Variants in STING1 observed in about 807,000 individuals in gnomAD.
The protein encoded by STING1 is stimulator of interferon response cGAMP interactor 1.
In STING1, 19 loss-of-function variants were observed where a neutral mutation model predicts 31.6. The observed-to-expected ratio is 0.60, with a 90% CI of 0.42 to 0.88. STING1 has a LOEUF of 0.88. Ranked by LOEUF, STING1 falls within the 40% of genes least tolerant of loss-of-function variation. The probability of loss-of-function intolerance (pLI) is 0.00; values close to 1 mark genes in which losing one functional copy is unlikely to be tolerated. For synonymous variants in STING1, 200 were observed against 208.6 expected (o/e 0.96, Z 0.35); for missense variants, 371 against 483.7 (o/e 0.77, Z 2.19).
Position 139,481,259 on chromosome 5 carries a change from T to C in STING1, c.311A>G (p.Tyr104Cys), listed in dbSNP as rs760969680. The change falls in exon 4 of 8, where the codon TAT becomes TGT. Residue 104 changes from tyrosine to cysteine, a missense_variant. By Grantham distance (194) the Tyr-to-Cys change is radical. Coordinates refer to ENST00000330794, the MANE Select transcript of STING1 (RefSeq NM_198282.4). This position sits in a 1 kb window ranked among gnomAD's most constrained non-coding sequence, Gnocchi z 4.1. The stretch of plus-strand genomic sequence containing the variant: ...CGCATTTGGGAGGGAGTAGTAGAAA[T>C]AGATGGACAGCAGCAACAGGGCCCC... ...RRGALLLLSI[Y>C]FYYSLPNAVG... 2.5e-6 allele frequency: 4 copies of C among 1,613,964 alleles called. No homozygotes were observed. Among genetic ancestry groups the C allele is most frequent in the South Asian group, 2.2e-5 (2 of 91,072 alleles).
chr5:139,479,576 C>T (rs1209000521), intron 5 of STING1, among the ~76,000 whole-genome samples: 1 of 150,988 alleles, frequency 6.6e-6, no homozygotes, highest in Non-Finnish European at 1.5e-5. Flanking sequence ...GTGGCAGGCA[C>T]CTAAAATCCC....
Position 139,482,213 on chromosome 5 carries a change from C to T in STING1, c.-4G>A, listed in dbSNP as rs1339980646. Reference sequence around the variant, plus strand: ...GCCAGGCTGATCTTGAGCCTACCTTCTGCCTCCCGGACACTGGCTGCTCTG... The same window carrying T: ...GCCAGGCTGATCTTGAGCCTACCTTTTGCCTCCCGGACACTGGCTGCTCTG... On this transcript the variant is annotated 5_prime_UTR_variant, in exon 2 of 8. Coordinates refer to ENST00000330794, the MANE Select transcript of STING1 (RefSeq NM_198282.4). 6.5e-6 allele frequency: 1 copy of T among 152,798 alleles called. No individual in the cohort carries two copies. Among genetic ancestry groups the T allele is most frequent in the Non-Finnish European group, 1.5e-5 (1 of 68,450 alleles). 9.5% of individuals were successfully genotyped at this position (152,798 alleles called of 1,614,324 possible).
At position 139,481,023 on chromosome 5, in the gene STING1, G is replaced by T; in HGVS notation, c.412-125C>A. On this transcript the variant is annotated intron_variant, in intron 4 of 7. Transcript: ENST00000330794. This position sits in a 1 kb window ranked among gnomAD's most constrained non-coding sequence, Gnocchi z 4.1. Reference sequence around the variant, plus strand: ...CTCTTTTGCCATTGCCAAACCCACTGTTCCAGGACATTATAGGTTCTACTC... The same window carrying T: ...CTCTTTTGCCATTGCCAAACCCACTTTTCCAGGACATTATAGGTTCTACTC... The T allele has an allele frequency of 2.5e-6, 3 of 1,199,632 alleles. No individual in the cohort carries two copies. The highest frequency in any genetic ancestry group is 3.7e-6 in the Non-Finnish European group (3 of 820,430). The allele number at this position is 1,199,632 out of a possible 1,614,324, so 74.3% of individuals were successfully genotyped here.
chr5:139,480,824 T>C lies in STING1; in HGVS notation c.486A>G (p.Ser162=). Residue 162 remains serine, a synonymous_variant, in exon 5 of 8, where the codon TCA becomes TCG. Coordinates refer to ENST00000330794, the MANE Select transcript of STING1 (RefSeq NM_198282.4). ...TCAGCCGCAGATATCCGATGTAATA[T>C]GACCATGCCAGCCCATGGGCCACGT... ...NFNVAHGLAW[S]YYIGYLRLIL... 1 of 1,614,118 alleles carries C rather than the reference T, an allele frequency of 6.2e-7. No homozygotes were observed. The highest frequency in any genetic ancestry group is 8.5e-7 in the Non-Finnish European group (1 of 1,179,942).
chr5:139,481,452 C>G lies in STING1; in HGVS notation c.227+26G>C. The G allele has an allele frequency of 6.2e-7, 1 of 1,606,036 alleles. No homozygotes were observed. Among genetic ancestry groups the G allele is most frequent in the East Asian group, 2.2e-5 (1 of 44,652 alleles). On this transcript the variant is annotated intron_variant, in intron 3 of 7. Transcript: ENST00000330794. The surrounding 1 kb of genome is among the most constrained non-coding windows in gnomAD (Gnocchi z 4.1). Reference sequence around the variant, plus strand: ...AGGGAGTGACACACGTTGGATACCCCGTCCCTGGGTACTGCAGTGAGTCAC... The same window carrying G: ...AGGGAGTGACACACGTTGGATACCCGGTCCCTGGGTACTGCAGTGAGTCAC...
Position 139,477,507 on chromosome 5 carries a change from G to A in STING1, c.768C>T (p.Thr256=). The part of the protein sequence containing the change: ...ELLENGQRAG[T]CVLEYATPLQ... ...AGGGGGTGGCGTACTCCAGGACACA[G>A]GTGCCCGCCTAGAGGAGGTAAGAGG... Residue 256 remains threonine, a synonymous_variant, in exon 7 of 8, where the codon ACC becomes ACT. Coordinates refer to ENST00000330794, the MANE Select transcript of STING1 (RefSeq NM_198282.4). 6.2e-7 allele frequency: 1 copy of A among 1,613,858 alleles called. No individual in the cohort carries two copies. Among genetic ancestry groups the A allele is most frequent in the Non-Finnish European group, 8.5e-7 (1 of 1,179,874 alleles).
At chr5:139,480,228 A>G (rs1265913440) in intron 5 of STING1, among the ~76,000 whole-genome samples, 2 of 152,196 alleles carry the variant, frequency 1.3e-5, no homozygotes, top group Admixed American at 6.5e-5. Context: ...GAAAAGGCAC[A>G]TGAGAGCACA....
chr5:139,476,723 G>A (rs1206748692), intron 7 of STING1, among the ~76,000 whole-genome samples: 6 of 152,126 alleles, frequency 3.9e-5, no homozygotes, highest in Admixed American at 3.9e-4. Context: ...TGGCCAATAT[G>A]ATGAAACCCC....
At chr5:139,477,638 G>A (rs1581449510) in intron 6 of STING1, 123 bp from the exon 7 acceptor site, 4 of 1,017,000 alleles carry the variant, frequency 3.9e-6, no homozygotes, top group South Asian at 3.2e-5. Flanking sequence ...AGCCTGTAAC[G>A]ATAGAGTCCT....
rs953897576 is a variant in STING1, at chr5:139,481,432, G to A, written c.227+46C>T. ...AGGGGCAGGGCTAGGCATCAAGGGA[G>A]TGACACACGTTGGATACCCCGTCCC... On this transcript the variant is annotated intron_variant, in intron 3 of 7. Coordinates refer to ENST00000330794, the MANE Select transcript of STING1 (RefSeq NM_198282.4). The surrounding 1 kb of genome is among the most constrained non-coding windows in gnomAD (Gnocchi z 4.1). 2.5e-6 allele frequency: 4 copies of A among 1,600,300 alleles called. No individual in the cohort carries two copies. Among genetic ancestry groups the A allele is most frequent in the South Asian group, 1.1e-5 (1 of 89,624 alleles).
rs200511430 is a variant in STING1, at chr5:139,480,776, A to T, written c.520+14T>A. 43 of 1,563,550 alleles carry T rather than the reference A, an allele frequency of 2.8e-5. No individual in the cohort carries two copies. In the East Asian group the frequency reaches 8.5e-4, roughly 31 times the overall value. ...TTTGTAGATCGAGAAATGGGGGCAG[A>T]GAGGATGGCCCACCTGGCAGGATCA... On this transcript the variant is annotated intron_variant, in intron 5 of 7. Coordinates refer to ENST00000330794, the MANE Select transcript of STING1 (RefSeq NM_198282.4).
In STING1 at chr5:139,477,388, TC is replaced by T; in HGVS notation, c.886del (p.Glu296ArgfsTer51). The T allele has an allele frequency of 3.7e-6, 6 of 1,614,170 alleles. No homozygotes were observed. Among genetic ancestry groups the T allele is most frequent in the Non-Finnish European group, 5.1e-6 (6 of 1,180,026 alleles). On this transcript the variant is annotated frameshift_variant, in exon 7 of 8. Coordinates refer to ENST00000330794, the MANE Select transcript of STING1 (RefSeq NM_198282.4). LOFTEE classifies it high-confidence loss of function. Reference sequence around the variant, plus strand: ...CTCAGGGGCATCTGCCAGGATGTCCTCAAGTGTCCGGCAGAAGAGTTTGGCC... The same window carrying T: ...CTCAGGGGCATCTGCCAGGATGTCCTAAGTGTCCGGCAGAAGAGTTTGGCC... Reference protein sequence around the residue: ...EQAKLFCRTLEDILADAPESQ... With the variant: ...EQAKLFCRTLXDILADAPESQ...
rs1036047995 is a variant in STING1 at position 139,481,651 on chromosome 5, G to A, written c.54C>T (p.Ala18=). 2 of 1,611,686 alleles carry A rather than the reference G, an allele frequency of 1.2e-6. No individual in the cohort carries two copies. The highest frequency in any genetic ancestry group is 1.7e-6 in the Non-Finnish European group (2 of 1,178,566). Residue 18 remains alanine, a synonymous_variant, in exon 3 of 8, where the codon GCC becomes GCT. Coordinates refer to ENST00000330794, the MANE Select transcript of STING1 (RefSeq NM_198282.4). The surrounding 1 kb of genome is among the most constrained non-coding windows in gnomAD (Gnocchi z 4.1). The stretch of plus-strand genomic sequence containing the variant: ...TCAGCAGAACCAAGGCTGCCTTCTG[G>A]GCCCCGTGACCCCTGGGACACGGGA... ...PSIPCPRGHG[A]QKAALVLLSA...
chr5:139,481,744 C>T lies in STING1; in HGVS notation c.1-40G>A. 3.9e-6 allele frequency: 6 copies of T among 1,519,978 alleles called. No individual in the cohort carries two copies. Among genetic ancestry groups the T allele is most frequent in the Non-Finnish European group, 5.4e-6 (6 of 1,111,878 alleles). The allele number at this position is 1,519,978 out of a possible 1,614,324, so 94.2% of individuals were successfully genotyped here. On this transcript the variant is annotated intron_variant, in intron 2 of 7. Transcript: ENST00000330794. This position sits in a 1 kb window ranked among gnomAD's most constrained non-coding sequence, Gnocchi z 4.1. ...AAATCCATGACCATTCTCCCCTTGCCCTCCTGCCCTTCTGGGACTGAGGCT... is the reference window on the plus strand; with the variant it reads ...AAATCCATGACCATTCTCCCCTTGCTCTCCTGCCCTTCTGGGACTGAGGCT...
At position 139,481,250 on chromosome 5, in the gene STING1, T is replaced by A; in HGVS notation, c.320A>T (p.Tyr107Phe). The part of the protein sequence containing the change: ...ALLLLSIYFY[Y>F]SLPNAVGPPF... ...CGGGCCGACCGCATTTGGGAGGGAG[T>A]AGTAGAAATAGATGGACAGCAGCAA... The change falls in exon 4 of 8, where the codon TAC becomes TTC. Residue 107 changes from tyrosine (Y) to phenylalanine (F), a missense_variant. Physicochemically the swap from Tyr to Phe is conservative, Grantham distance 22. Coordinates refer to ENST00000330794, the MANE Select transcript of STING1 (RefSeq NM_198282.4). This position sits in a 1 kb window ranked among gnomAD's most constrained non-coding sequence, Gnocchi z 4.1. 1.2e-6 allele frequency: 2 copies of A among 1,612,806 alleles called. No homozygotes were observed. The highest frequency in any genetic ancestry group is 1.7e-6 in the Non-Finnish European group (2 of 1,179,772).
intron 5 of STING1, among the ~76,000 whole-genome samples, chr5:139,480,436 C>T (rs926285103): frequency 1.3e-5 from 2 of 152,232 alleles, no homozygotes; most frequent in East Asian, 1.9e-4. Flanking sequence ...ATCCCAGCTA[C>T]TCGGGAACCT....
chr5:139,477,801 C>G lies in STING1; in HGVS notation c.760-286G>C, dbSNP rs555858030. 4.6e-5 allele frequency among the ~76,000 whole-genome samples: 7 copies of G among 152,338 alleles called. No homozygotes were observed. In the South Asian group the frequency reaches 1.4e-3, roughly 32 times the overall value. ...GCAAGACCCGAGGCTGTCAACTGCT[C>G]CAGCTGGGAATCAGGTCTGGGGCTA... On this transcript the variant is annotated intron_variant, in intron 6 of 7. Coordinates refer to ENST00000330794, the MANE Select transcript of STING1 (RefSeq NM_198282.4).
chr5:139,477,687 C>T (rs2152093421), intron 6 of STING1, among the ~76,000 whole-genome samples, 172 bp from the exon 7 acceptor site: 1 of 152,306 alleles, frequency 6.6e-6, no homozygotes, highest in African/African-American at 2.4e-5. Context: ...GCTGTCTGGC[C>T]TGCCTTTGCC....
At chr5:139,480,265 G>A (rs1431906876) in intron 5 of STING1, among the ~76,000 whole-genome samples, 1 of 152,108 alleles carries the variant, frequency 6.6e-6, no homozygotes, top group African/African-American at 2.4e-5. Flanking sequence ...TTTATTGAAA[G>A]AATTTACAGC....
Sources: allele counts gnomAD v4.1 joint callset (sites outside exome capture counted in the v4.1 genomes callset), GRCh38; gene constraint gnomAD v4.1.1; non-coding constraint Gnocchi (gnomAD v3.1); transcripts MANE v1.5; gene names NCBI Gene and HGNC (gene_info 2026-07-23, HGNC 2026-07-21).